SUGCT: variants seen among roughly 807,000 people sequenced by gnomAD.
The protein encoded by SUGCT is succinyl-CoA:glutarate-CoA transferase.
In SUGCT, 41 loss-of-function variants were observed where a neutral mutation model predicts 55.0. The observed-to-expected ratio is 0.74, with a 90% CI of 0.58 to 0.97. The LOEUF (loss-of-function observed/expected upper bound fraction) is 0.97, where lower values mean the gene tolerates loss of function less well. Among genes scored for constraint, SUGCT ranks in the 50% least tolerant of loss-of-function variants. The probability of loss-of-function intolerance (pLI) is 0.00; values close to 1 mark genes in which losing one functional copy is unlikely to be tolerated. For synonymous variants in SUGCT, 187 were observed against 200.4 expected (o/e 0.93, Z 0.56); for missense variants, 568 against 547.8 (o/e 1.04, Z -0.37).
intron 6 of SUGCT, among the ~76,000 whole-genome samples, chr7:40,226,647 C>T (rs1264391229): frequency 4.8e-5 from 7 of 146,932 alleles, no homozygotes; most frequent in African/African-American, 1.8e-4. Flanking sequence ...AGCATTAGTT[C>T]TAGTTTTGTT....
intron 2 of SUGCT, among the ~76,000 whole-genome samples, chr7:40,181,664 T>A (rs1437642036): frequency 6.6e-6 from 1 of 151,222 alleles, no homozygotes; most frequent in African/African-American, 2.4e-5. Context: ...GTGAATGGCA[T>A]GAACCCAGGA....
intron 7 of SUGCT, among the ~76,000 whole-genome samples, chr7:40,266,809 G>T (rs1406368199): frequency 6.6e-6 from 1 of 152,036 alleles, no homozygotes; most frequent in Non-Finnish European, 1.5e-5. Flanking sequence ...GAGGTCAGGA[G>T]TCTGAGATCA....
the SUGCT span, among the ~76,000 whole-genome samples, chr7:40,922,846 C>T: frequency 1.3e-5 from 2 of 152,252 alleles, no homozygotes; most frequent in African/African-American, 4.8e-5. Context: ...TATCTTTCCC[C>T]TCTTTGCCCC....
chr7:40,783,750 C>T (rs1369389578), intron 13 of SUGCT, among the ~76,000 whole-genome samples: 2 of 152,134 alleles, frequency 1.3e-5, no homozygotes, highest in South Asian at 4.1e-4. Context: ...GATGTGCTTA[C>T]AACTTCATGC....
rs1315359144 is a variant in SUGCT, at chr7:40,166,879, T to C, written c.101-14068T>C. ...TCCAGCCTGGGTGACAGAGTGAGAC[T>C]CCACCTCAAAAAAAAAAAAAAAAAG... On this transcript the variant is annotated intron_variant, in intron 1 of 13. Transcript: ENST00000335693. 2.9e-5 allele frequency among the ~76,000 whole-genome samples: 3 copies of C among 104,742 alleles called. No homozygotes were observed. The Admixed American group carries it at 3.1e-4, about 11-fold the overall frequency. 68.7% of individuals were successfully genotyped at this position (104,742 alleles called of 152,430 possible). A position where few individuals can be genotyped will look rare whatever the true frequency, so the allele number is the denominator to read the frequency against.
Position 40,496,267 on chromosome 7 carries a change from C to T in SUGCT, c.987-17C>T. ...TTCCTTCCTGTGTAAAAAATTTATC[C>T]TTGTTTGTCTTCTTAGGTTTGAAGA... On this transcript the variant is annotated splice_polypyrimidine_tract_variant and intron_variant, in intron 11 of 13. Transcript: ENST00000335693. The T allele has an allele frequency of 6.3e-7, 1 of 1,579,398 alleles. No individual in the cohort carries two copies. The highest frequency in any genetic ancestry group is 8.7e-7 in the Non-Finnish European group (1 of 1,153,288).
chr7:40,234,599 A>G (rs548319013), intron 6 of SUGCT, among the ~76,000 whole-genome samples: 1 of 152,282 alleles, frequency 6.6e-6, no homozygotes, highest in South Asian at 2.1e-4. Flanking sequence ...CTGAATCAAG[A>G]CGTTTGGGTT....
the SUGCT span, among the ~76,000 whole-genome samples, chr7:40,970,393 A>G: frequency 2.4e-3 from 368 of 152,252 alleles, 2 homozygotes; most frequent in African/African-American, 8.6e-3. Context: ...GCTGGTCTTG[A>G]ACTTCTGATC....
At position 40,215,401 on chromosome 7, in the gene SUGCT, G is replaced by A. The variant is rs112854973; in HGVS notation, c.484+20341G>A. 5.4e-3 allele frequency among the ~76,000 whole-genome samples: 812 copies of A among 151,538 alleles called. 10 individuals carry two copies. The highest frequency in any genetic ancestry group is 0.018 in the African/African-American group (762 of 41,390). Reference sequence around the variant, plus strand: ...ACTCCTAGGCTCAAGTGGCCCACCCGCCTTGGCCTCCCAAAGTACTGGGAT... The same window carrying A: ...ACTCCTAGGCTCAAGTGGCCCACCCACCTTGGCCTCCCAAAGTACTGGGAT... On this transcript the variant is annotated intron_variant, in intron 6 of 13. Coordinates refer to ENST00000335693, the MANE Select transcript of SUGCT (RefSeq NM_001193313.2).
At chr7:40,421,677 A>C (rs748993386) in intron 9 of SUGCT, among the ~76,000 whole-genome samples, 2 of 152,168 alleles carry the variant, frequency 1.3e-5, no homozygotes, top group Non-Finnish European at 2.9e-5. Context: ...CATCTAAATA[A>C]ATGTAAGACT....
At chr7:40,285,491 T>TGGG (rs746210298) in intron 8 of SUGCT, among the ~76,000 whole-genome samples, 6 of 146,614 alleles carry the variant, frequency 4.1e-5, no homozygotes, top group African/African-American at 1.5e-4. Flanking sequence ...TTTTCTTTTT[T>TGGG]CGGGGGGGGG....
At chr7:40,659,439 C>T (rs1437511373) in intron 12 of SUGCT, among the ~76,000 whole-genome samples, 1 of 152,194 alleles carries the variant, frequency 6.6e-6, no homozygotes, top group Non-Finnish European at 1.5e-5. Flanking sequence ...GTCCTCATGA[C>T]ATGATGCTGG....
chr7:40,625,719 C>G (rs1483311760), intron 12 of SUGCT, among the ~76,000 whole-genome samples: 1 of 152,094 alleles, frequency 6.6e-6, no homozygotes, highest in Non-Finnish European at 1.5e-5. Flanking sequence ...ATGAAATCCC[C>G]CAGCCCCTGC....
At chr7:40,792,148 C>T (rs944345905) in intron 13 of SUGCT, among the ~76,000 whole-genome samples, 1 of 152,130 alleles carries the variant, frequency 6.6e-6, no homozygotes, top group Admixed American at 6.6e-5. Flanking sequence ...TTAATAAAAA[C>T]AAAGTCACAT....
chr7:40,385,161 G>C (rs924331112), intron 9 of SUGCT, among the ~76,000 whole-genome samples: 1 of 152,162 alleles, frequency 6.6e-6, no homozygotes, highest in Non-Finnish European at 1.5e-5. Context: ...TGGCCACTGG[G>C]AAAGATTCAT....
intron 9 of SUGCT, among the ~76,000 whole-genome samples, chr7:40,439,796 C>T (rs548951555): frequency 6.6e-5 from 10 of 152,326 alleles, no homozygotes; most frequent in African/African-American, 1.9e-4. Flanking sequence ...CTCATCCCTG[C>T]GCTTCACAGC....
At chr7:40,292,825 A>G (rs1793872012) in intron 8 of SUGCT, among the ~76,000 whole-genome samples, 1 of 152,204 alleles carries the variant, frequency 6.6e-6, no homozygotes, top group Non-Finnish European at 1.5e-5. Context: ...TCTTTTAACT[A>G]CAGAAGCTCT....
chr7:40,698,113 A>G (rs1247376183), intron 12 of SUGCT, among the ~76,000 whole-genome samples: 2 of 152,222 alleles, frequency 1.3e-5, no homozygotes, highest in Non-Finnish European at 2.9e-5. Flanking sequence ...AGCACAAGCA[A>G]GTCCTGGAGA....
intron 13 of SUGCT, among the ~76,000 whole-genome samples, chr7:40,775,987 C>T (rs1430038621): frequency 6.6e-6 from 1 of 152,078 alleles, no homozygotes; most frequent in African/African-American, 2.4e-5. Flanking sequence ...GTCAGATGAC[C>T]TCCTGGCCAC....
Sources: gnomAD v4.1 joint callset for allele counts (sites outside exome capture counted in the v4.1 genomes callset) on GRCh38, gnomAD v4.1.1 for gene constraint, MANE v1.5 for transcripts, NCBI Gene and HGNC (gene_info 2026-07-23, HGNC 2026-07-21) for gene names.